Variants in BCL3 observed in about 807,000 individuals in gnomAD.
BCL3 encodes the protein B-cell lymphoma 3 protein.
Under a neutral mutation model 35.7 loss-of-function variants are expected in BCL3, and 15 were observed. That is an observed-to-expected ratio of 0.42 (90% CI 0.28 to 0.65). BCL3 has a LOEUF of 0.65. Ranked by LOEUF, BCL3 falls within the 30% of genes least tolerant of loss-of-function variation. The pLI, the probability that BCL3 is intolerant of heterozygous loss-of-function variation, is 0.22. For missense variants in BCL3, 565 were observed against 641.7 expected (o/e 0.88, Z 1.29); for synonymous variants, 311 against 284.3 (o/e 1.09, Z -0.95).
At chr19:44,748,699 G>T (rs1967114949), upstream of BCL3, 1 of 1,047,788 alleles carries the variant, frequency 9.5e-7, no homozygotes, top group Admixed American at 5.5e-5. Flanking sequence ...CTTCAGTTCA[G>T]CCGGCTGCAG....
Position 44,757,376 on chromosome 19 carries a change from G to T in BCL3, c.774G>T (p.Val258=). The T allele has an allele frequency of 6.2e-7, 1 of 1,606,096 alleles. No homozygotes were observed. The highest frequency in any genetic ancestry group is 1.3e-5 in the African/African-American group (1 of 74,720). ...VAVNTECQET[V]QLLLERGADI... is the part of the protein sequence containing the mutation. ...TGAACACCGAGTGCCAAGAAACCGT[G>T]CAGCTCTTGCTAGAGCGCGGTGCCG... Residue 258 remains valine (V), a synonymous_variant, in exon 5 of 9, where the codon GTG becomes GTT. Transcript: ENST00000164227. The surrounding 1 kb of genome is among the most constrained non-coding windows in gnomAD (Gnocchi z 8.4).
upstream of BCL3, chr19:44,748,637 G>T: frequency 1.0e-6 from 1 of 956,878 alleles, no homozygotes; most frequent in Non-Finnish European, 1.3e-6. Flanking sequence ...GCCCCGGGGG[G>T]GCCGGGGGCG....
intron 1 of BCL3, among the ~76,000 whole-genome samples, chr19:44,750,427 T>G (rs996276389): frequency 4.6e-5 from 7 of 152,004 alleles, no homozygotes; most frequent in Non-Finnish European, 4.4e-5. Flanking sequence ...GCCTCCCGAG[T>G]AGCTGGGATT....
chr19:44,757,065 C>G lies in BCL3; in HGVS notation c.568C>G (p.Leu190Val). Residue 190 changes from leucine (L) to valine (V), a missense_variant, in exon 4 of 9, where the codon CTC becomes GTC. Leu to Val is a conservative substitution (Grantham distance 32). Around this residue, in one of 5 missense-constraint regions of BCL3, gnomAD observed 267 missense variants for 281.5 expected, o/e 0.95. Coordinates refer to ENST00000164227, the MANE Select transcript of BCL3 (RefSeq NM_005178.5). The surrounding 1 kb of genome is among the most constrained non-coding windows in gnomAD (Gnocchi z 8.4). Reference protein sequence around the residue: ...VITTLPSVVRLLVTAGASPMA... With the variant: ...VITTLPSVVRVLVTAGASPMA... Reference sequence around the variant, plus strand: ...CACCACATTACCGTCTGTGGTCCGGCTCCTGGTGACAGCTGGTGCCAGCCC... The same window carrying G: ...CACCACATTACCGTCTGTGGTCCGGGTCCTGGTGACAGCTGGTGCCAGCCC... 1.2e-6 allele frequency: 2 copies of G among 1,611,038 alleles called. No homozygotes were observed. Among genetic ancestry groups the G allele is most frequent in the Non-Finnish European group, 1.7e-6 (2 of 1,179,028 alleles).
chr19:44,748,974 G>T lies in BCL3; in HGVS notation c.184G>T (p.Gly62Cys). ...TGTCGTCCCCCTGGACCCTCTGCGC[G>T]GCGGCTGCGACCTGCCGGCGGTCCC... ...GLVVPLDPLRGGCDLPAVPGP... is the reference protein window; with the variant it reads ...GLVVPLDPLRCGCDLPAVPGP... Residue 62 changes from glycine to cysteine, a missense_variant, in exon 1 of 9, where the codon GGC becomes TGC. Transcript: ENST00000164227. 1 of 1,376,570 alleles carries T rather than the reference G, an allele frequency of 7.3e-7. No individual in the cohort carries two copies. Among genetic ancestry groups the T allele is most frequent in the Non-Finnish European group, 9.4e-7 (1 of 1,062,414 alleles). 85.3% of individuals were successfully genotyped at this position (1,376,570 alleles called of 1,614,324 possible). A position where few individuals can be genotyped will look rare whatever the true frequency, so the allele number is the denominator to read the frequency against.
At position 44,759,279 on chromosome 19, in the gene BCL3, C is replaced by T. The variant is rs550447831; in HGVS notation, c.1178-149C>T. ...CCCCAGATGCCTCTTTCCTCAGACC[C>T]GGGAGTTTAAATCCCCAGCCCCTCC... is the stretch of plus-strand genomic sequence containing the variant. On this transcript the variant is annotated intron_variant, in intron 8 of 8. Coordinates refer to ENST00000164227, the MANE Select transcript of BCL3 (RefSeq NM_005178.5). The T allele has an allele frequency of 6.8e-5, 43 of 632,090 alleles. No homozygotes were observed. In the East Asian group the frequency reaches 1.0e-3, roughly 15 times the overall value. 39.2% of individuals were successfully genotyped at this position (632,090 alleles called of 1,614,324 possible).
rs1967174650 is a variant in BCL3 at position 44,751,295 on chromosome 19, C to A, written c.325C>A (p.Pro109Thr). The part of the protein sequence containing the change: ...SPFPLVNLPT[P>T]LYPMMCPMEH... ...GTTTCCTCTGGTGAACCTGCCTACA[C>A]CCCTATACCCCATGATGTGCCCCAT... The change falls in exon 2 of 9, where the codon CCC becomes ACC. Residue 109 changes from proline (P) to threonine (T), a missense_variant. This residue lies in a region of BCL3 where 267 missense variants were observed against 281.5 expected (regional missense o/e 0.95). Transcript: ENST00000164227. 6.2e-7 allele frequency: 1 copy of A among 1,608,704 alleles called. No individual in the cohort carries two copies. Among genetic ancestry groups the A allele is most frequent in the Non-Finnish European group, 8.5e-7 (1 of 1,178,288 alleles).
At position 44,757,476 on chromosome 19, in the gene BCL3, G is replaced by A; in HGVS notation, c.813+61G>A. On this transcript the variant is annotated intron_variant, in intron 5 of 8. Transcript: ENST00000164227. The surrounding 1 kb of genome is among the most constrained non-coding windows in gnomAD (Gnocchi z 8.4). ...CTTAGCAGGGGCGGGGTCTTGGCGG[G>A]GGCGGGGCCAGTGTGGGGCTGGCGT... 1 of 1,484,458 alleles carries A rather than the reference G, an allele frequency of 6.7e-7. No individual in the cohort carries two copies. Among genetic ancestry groups the A allele is most frequent in the Non-Finnish European group, 9.2e-7 (1 of 1,091,164 alleles). The allele number at this position is 1,484,458 out of a possible 1,614,324, so 92.0% of individuals were successfully genotyped here. A position where few individuals can be genotyped will look rare whatever the true frequency, so the allele number is the denominator to read the frequency against.
chr19:44,751,158 G>C, intron 1 of BCL3, 69 bp from the exon 2 acceptor site: 1 of 1,548,230 alleles, frequency 6.5e-7, no homozygotes, highest in Non-Finnish European at 8.7e-7. Flanking sequence ...AGTTTTAGAA[G>C]TGGGGGGCGG....
At chr19:44,750,486 A>T (rs1015299385) in intron 1 of BCL3, among the ~76,000 whole-genome samples, 1 of 151,948 alleles carries the variant, frequency 6.6e-6, no homozygotes, top group Non-Finnish European at 1.5e-5. Flanking sequence ...TTTAGTAGAG[A>T]CAGGGTTTCA....
upstream of BCL3, chr19:44,748,010 G>A (rs749602972): frequency 1.9e-4 from 253 of 1,342,848 alleles, no homozygotes; most frequent in African/African-American, 2.5e-3. Flanking sequence ...AGGGGAGGGA[G>A]AGGAATCGTT....
intron 3 of BCL3, among the ~76,000 whole-genome samples, chr19:44,756,722 C>G (rs1967295105): frequency 6.7e-6 from 1 of 148,954 alleles, no homozygotes; most frequent in Non-Finnish European, 1.5e-5. Context: ...GCTCTGGGGC[C>G]TCGGACTGGT....
At chr19:44,754,095 G>T (rs985348763) in intron 2 of BCL3, among the ~76,000 whole-genome samples, 1 of 152,196 alleles carries the variant, frequency 6.6e-6, no homozygotes, top group Non-Finnish European at 1.5e-5. Context: ...AGGGTTTGAG[G>T]CGCTGTATTT....
intron 2 of BCL3, among the ~76,000 whole-genome samples, chr19:44,752,184 T>TTTTTTCTTTTTTTC (rs1485402031): frequency 6.6e-6 from 1 of 151,574 alleles, no homozygotes; most frequent in Non-Finnish European, 1.5e-5. Context: ...GACATTTTCT[T>TTTTTTCTTTTTTTC]TTTTTCTTTT....
intron 1 of BCL3, among the ~76,000 whole-genome samples, chr19:44,749,742 G>T (rs1004010427): frequency 1.3e-5 from 2 of 152,128 alleles, no homozygotes; most frequent in African/African-American, 4.8e-5. Flanking sequence ...AGTGATCAGG[G>T]TCCTATTTGA....
At chr19:44,754,336 C>A (rs543587753) in intron 2 of BCL3, among the ~76,000 whole-genome samples, 3 of 152,040 alleles carry the variant, frequency 2.0e-5, no homozygotes, top group Admixed American at 6.5e-5. Context: ...ATGCGCCCCC[C>A]CTACACACAC....
At chr19:44,750,665 C>A (rs533858243) in intron 1 of BCL3, among the ~76,000 whole-genome samples, 1 of 152,256 alleles carries the variant, frequency 6.6e-6, no homozygotes, top group African/African-American at 2.4e-5. Flanking sequence ...CATCTGTAAT[C>A]CCAGCTACCT....
chr19:44,759,394 A>T (rs1173915495), intron 8 of BCL3, 34 bp from the exon 9 acceptor site: 3 of 1,422,598 alleles, frequency 2.1e-6, no homozygotes, highest in Non-Finnish European at 2.8e-6. Context: ...CTAGCCTCTC[A>T]CCACCCACCC....
upstream of BCL3, chr19:44,747,896 A>C: frequency 8.6e-7 from 1 of 1,156,866 alleles, no homozygotes; most frequent in Non-Finnish European, 1.1e-6. Context: ...AGGGCCCCCA[A>C]CGAGTGCAGA....
Sources: gnomAD v4.1 joint callset for allele counts (sites outside exome capture counted in the v4.1 genomes callset) on GRCh38, gnomAD v4.1.1 for gene constraint, gnomAD v4.1.1 regional missense constraint, Gnocchi (gnomAD v3.1) non-coding constraint, MANE v1.5 for transcripts, NCBI Gene and HGNC (gene_info 2026-07-23, HGNC 2026-07-21) for gene names.